ITGA9: variants seen among roughly 807,000 people sequenced by gnomAD.
ITGA9 encodes integrin alpha-9.
Under a neutral mutation model 127.8 loss-of-function variants are expected in ITGA9, and 56 were observed. The observed-to-expected ratio is 0.44, with a 90% CI of 0.35 to 0.55. The LOEUF (loss-of-function observed/expected upper bound fraction) is 0.55. Ranked by LOEUF, ITGA9 falls within the 20% of genes least tolerant of loss-of-function variation. The pLI, the probability that ITGA9 is intolerant of heterozygous loss-of-function variation, is 0.00. For missense variants in ITGA9, 1,196 were observed against 1,347.1 expected (o/e 0.89, Z 1.76); for synonymous variants, 508 against 514.5 (o/e 0.99, Z 0.17).
intron 27 of ITGA9, chr3:37,818,585 A>G (rs1697471147): frequency 2.5e-6 from 1 of 393,552 alleles, no homozygotes; most frequent in South Asian, 2.4e-5. Flanking sequence ...TTTACTCCCA[A>G]ACACCTTTGA....
At chr3:37,784,421 G>A (rs2125553644) in intron 25 of ITGA9, among the ~76,000 whole-genome samples, 1 of 152,208 alleles carries the variant, frequency 6.6e-6, no homozygotes, top group Middle Eastern at 3.4e-3. Flanking sequence ...TAATTCATAA[G>A]CCAGATATTT....
intron 15 of ITGA9, among the ~76,000 whole-genome samples, chr3:37,547,308 A>G (rs978180686): frequency 6.6e-6 from 1 of 152,222 alleles, no homozygotes; most frequent in African/African-American, 2.4e-5. Flanking sequence ...GAACTTTGAA[A>G]CCTAAGTGGC....
chr3:37,558,595 C>T (rs1222722049), intron 15 of ITGA9, among the ~76,000 whole-genome samples: 2 of 152,192 alleles, frequency 1.3e-5, no homozygotes, highest in East Asian at 1.9e-4. Flanking sequence ...CTCTATTTCA[C>T]TCTCAAGTGT....
chr3:37,481,442 G>A (rs755246978), intron 3 of ITGA9, 42 bp from the exon 4 acceptor site: 20 of 1,613,618 alleles, frequency 1.2e-5, no homozygotes, highest in Non-Finnish European at 1.6e-5. Flanking sequence ...GTGATCTTTT[G>A]GGGCCAACTT....
Position 37,799,174 on chromosome 3 carries a change from ATTTTTTAATTTTTTATTTT to A in ITGA9, c.2890-4645_2890-4627del, listed in dbSNP as rs1697207856. Among the ~76,000 whole-genome samples the A allele has an allele frequency of 6.6e-6, 1 of 151,956 alleles. No individual in the cohort carries two copies. The highest frequency in any genetic ancestry group is 1.5e-5 in the Non-Finnish European group (1 of 67,960). ...CAAAGGGTATGAACATTTTTATTTTATTTTTTAATTTTTTATTTTTTTAAGACAGAGTCTTGCTCTTTCA... is the reference window on the plus strand; with the variant it reads ...CAAAGGGTATGAACATTTTTATTTTATTTAAGACAGAGTCTTGCTCTTTCA... On this transcript the variant is annotated intron_variant, in intron 26 of 27. Coordinates refer to ENST00000264741, the MANE Select transcript of ITGA9 (RefSeq NM_002207.3). This position sits in a 1 kb window ranked among gnomAD's most constrained non-coding sequence, Gnocchi z 4.0.
intron 18 of ITGA9, among the ~76,000 whole-genome samples, chr3:37,701,020 TG>T (rs1700940416): frequency 6.6e-6 from 1 of 152,230 alleles, no homozygotes; most frequent in South Asian, 2.1e-4. Flanking sequence ...CTGTTGGTGC[TG>T]GAACTCATCA....
At chr3:37,677,993 A>G (rs539493510) in intron 17 of ITGA9, among the ~76,000 whole-genome samples, 2 of 152,188 alleles carry the variant, frequency 1.3e-5, no homozygotes, top group Admixed American at 6.5e-5. Flanking sequence ...CTGCTTCACA[A>G]TGTCCTTTTT....
At chr3:37,690,483 G>A (rs1418568101) in intron 18 of ITGA9, among the ~76,000 whole-genome samples, 1 of 152,144 alleles carries the variant, frequency 6.6e-6, no homozygotes, top group Non-Finnish European at 1.5e-5. Context: ...TGCCTCATGT[G>A]ACCAGGGATA....
At chr3:37,720,353 T>C (rs1052392739) in intron 18 of ITGA9, among the ~76,000 whole-genome samples, 5 of 152,220 alleles carry the variant, frequency 3.3e-5, no homozygotes, top group African/African-American at 1.2e-4. Flanking sequence ...GTTGTTTTTA[T>C]GCCATGAGGT....
At chr3:37,458,096 A>G (rs1698279998) in intron 1 of ITGA9, among the ~76,000 whole-genome samples, 1 of 152,248 alleles carries the variant, frequency 6.6e-6, no homozygotes, top group African/African-American at 2.4e-5. Flanking sequence ...TAACAACCAA[A>G]ATGAATTTCG....
intron 25 of ITGA9, 28 bp downstream of exon 25, chr3:37,780,049 A>T (rs762698221): frequency 6.2e-7 from 1 of 1,612,922 alleles, no homozygotes; most frequent in Non-Finnish European, 8.5e-7. Flanking sequence ...GCACTTGTGG[A>T]TGCATTTAGA....
chr3:37,781,408 T>C lies in ITGA9; in HGVS notation c.2787+1387T>C, dbSNP rs540769621. ...GCATGGCTGTGATCCAGTAAAACTTTATAAAAACAGGCAGAGGGCCAGATT... is the reference window on the plus strand; with the variant it reads ...GCATGGCTGTGATCCAGTAAAACTTCATAAAAACAGGCAGAGGGCCAGATT... On this transcript the variant is annotated intron_variant, in intron 25 of 27. Transcript: ENST00000264741. Among the ~76,000 whole-genome samples the C allele has an allele frequency of 2.2e-4, 33 of 152,338 alleles. No individual in the cohort carries two copies. In the East Asian group the frequency reaches 2.3e-3, roughly 11 times the overall value.
intron 23 of ITGA9, among the ~76,000 whole-genome samples, chr3:37,767,833 G>T (rs1308194114): frequency 6.6e-6 from 1 of 152,152 alleles, no homozygotes; most frequent in Non-Finnish European, 1.5e-5. Flanking sequence ...TCTTCAGAAG[G>T]ATCTCCCAAA....
chr3:37,679,571 G>A (rs75863481), intron 17 of ITGA9, among the ~76,000 whole-genome samples: 246 of 152,266 alleles, frequency 1.6e-3, no homozygotes, highest in African/African-American at 5.6e-3. Flanking sequence ...TCTGTAAAAT[G>A]TGAAGGGGGA....
intron 14 of ITGA9, among the ~76,000 whole-genome samples, chr3:37,535,991 A>T (rs1699203953): frequency 6.6e-6 from 1 of 152,114 alleles, no homozygotes; most frequent in Non-Finnish European, 1.5e-5. Flanking sequence ...AATGAGGTGG[A>T]GGTGAAAGGT....
intron 24 of ITGA9, among the ~76,000 whole-genome samples, chr3:37,778,487 G>A (rs1228710509): frequency 1.3e-5 from 2 of 151,998 alleles, no homozygotes; most frequent in East Asian, 3.9e-4. Context: ...ATGTGGTAGT[G>A]GGCGCCTGTA....
intron 13 of ITGA9, 148 bp from the exon 14 acceptor site, chr3:37,533,166 C>A: frequency 1.3e-6 from 1 of 753,354 alleles, no homozygotes; most frequent in Non-Finnish European, 2.3e-6. Context: ...GCTCACAGAA[C>A]ATACTAGCCC....
chr3:37,809,560 C>G (rs1384433779), intron 27 of ITGA9, among the ~76,000 whole-genome samples: 1 of 151,974 alleles, frequency 6.6e-6, no homozygotes, highest in Non-Finnish European at 1.5e-5. Flanking sequence ...TCAGAGTGTG[C>G]AGTCTGTTGA....
At position 37,452,812 on chromosome 3, in the gene ITGA9, C is replaced by A. The variant is rs1698210494; in HGVS notation, c.185+253C>A. 6.6e-6 allele frequency among the ~76,000 whole-genome samples: 1 copy of A among 152,124 alleles called. No homozygotes were observed. Among genetic ancestry groups the A allele is most frequent in the South Asian group, 2.1e-4 (1 of 4,826 alleles). On this transcript the variant is annotated intron_variant, in intron 1 of 27. Transcript: ENST00000264741. The surrounding 1 kb of genome is among the most constrained non-coding windows in gnomAD (Gnocchi z 7.3). ...CCGGGTGCCTCCCTGGGGTCCCAGC[C>A]CAGAGCGTGGGGGGAGAGCCGCTAG... is the stretch of plus-strand genomic sequence containing the variant.
Sources: allele counts gnomAD v4.1 joint callset (sites outside exome capture counted in the v4.1 genomes callset), GRCh38; gene constraint gnomAD v4.1.1; non-coding constraint Gnocchi (gnomAD v3.1); transcripts MANE v1.5; gene names NCBI Gene and HGNC (gene_info 2026-07-23, HGNC 2026-07-21).